Variants in EYS observed in about 807,000 individuals in gnomAD.
EYS encodes EGF-like photoreceptor maintenance factor.
EYS carries 250 observed loss-of-function variants against 282.1 expected under a neutral mutation model. That is an observed-to-expected ratio of 0.89 (90% confidence interval 0.80 to 0.98). EYS has a LOEUF of 0.98. Ranked by LOEUF, EYS falls within the 50% of genes least tolerant of loss-of-function variation. The pLI is 0.00. For missense variants in EYS, 4,016 were observed against 3,709.0 expected (o/e 1.08, Z -2.15); for synonymous variants, 1,355 against 1,282.9 (o/e 1.06, Z -1.20).
intron 11 of EYS, among the ~76,000 whole-genome samples, chr6:65,316,281 C>T (rs1482388197): frequency 6.6e-6 from 1 of 152,022 alleles, no homozygotes; most frequent in Non-Finnish European, 1.5e-5. Flanking sequence ...TATGAACAGT[C>T]ATTTTTGGTC....
chr6:65,674,088 T>G (rs950550299), intron 1 of EYS, among the ~76,000 whole-genome samples: 1 of 151,756 alleles, frequency 6.6e-6, no homozygotes, highest in African/African-American at 2.4e-5. Flanking sequence ...AACAGTGAAC[T>G]TTTGAAATGA....
chr6:63,962,007 G>A (rs1766088848), intron 35 of EYS, among the ~76,000 whole-genome samples: 1 of 152,106 alleles, frequency 6.6e-6, no homozygotes, highest in Non-Finnish European at 1.5e-5. Flanking sequence ...AAGAAATGGG[G>A]AAAGGATTCC....
At chr6:64,898,132 C>A (rs923957780) in intron 18 of EYS, among the ~76,000 whole-genome samples, 1 of 151,570 alleles carries the variant, frequency 6.6e-6, no homozygotes, top group Admixed American at 6.6e-5. Context: ...TCGAGAAAAG[C>A]AACCCCAAGG....
intron 31 of EYS, among the ~76,000 whole-genome samples, chr6:64,095,325 C>T (rs1218492013): frequency 1.3e-5 from 2 of 152,026 alleles, no homozygotes. Flanking sequence ...CTTTCTGTCT[C>T]GTTGATCTGT....
At position 63,775,081 on chromosome 6, in the gene EYS, A is replaced by G. The variant is rs150353263; in HGVS notation, c.7898+2925T>C. Among the ~76,000 whole-genome samples, 178 of 152,328 alleles carry G rather than the reference A, an allele frequency of 1.2e-3. 3 individuals carry two copies. Among genetic ancestry groups the G allele is most frequent in the Non-Finnish European group, 4.1e-4 (28 of 68,032 alleles). On this transcript the variant is annotated intron_variant, in intron 40 of 42. Transcript: ENST00000503581. ...TTGCATCAGAACTCATCCCAGGAGC[A>G]TAAAGGCCTGAAATGAACTCTGCCT... is the stretch of plus-strand genomic sequence containing the variant.
intron 2 of EYS, among the ~76,000 whole-genome samples, chr6:65,616,782 C>CG (rs1766213559): frequency 8.7e-6 from 1 of 115,482 alleles, no homozygotes; most frequent in South Asian, 2.9e-4. Context: ...GACACTCTGT[C>CG]TAAAAAAACA....
intron 13 of EYS, among the ~76,000 whole-genome samples, chr6:65,014,833 C>T (rs1771991334): frequency 6.6e-6 from 1 of 152,100 alleles, no homozygotes; most frequent in African/African-American, 2.4e-5. Flanking sequence ...TCTTATGTGG[C>T]CAATAAGAAT....
At chr6:65,295,164 A>G (rs1249491926) in intron 12 of EYS, among the ~76,000 whole-genome samples, 1 of 151,956 alleles carries the variant, frequency 6.6e-6, no homozygotes, top group East Asian at 1.9e-4. Flanking sequence ...ATTTTGTTTT[A>G]TAAGTGATAA....
chr6:64,806,845 C>T (rs1254802224), intron 22 of EYS, among the ~76,000 whole-genome samples: 2 of 151,902 alleles, frequency 1.3e-5, no homozygotes, highest in Non-Finnish European at 2.9e-5. Flanking sequence ...AACAGGGTTT[C>T]ACATATTAAA....
chr6:65,595,141 A>G (rs1177964532), intron 2 of EYS, among the ~76,000 whole-genome samples: 2 of 152,030 alleles, frequency 1.3e-5, no homozygotes, highest in African/African-American at 4.8e-5. Context: ...TTCAGCCATA[A>G]AAAAACGATG....
At chr6:63,874,636 T>A (rs540535451) in intron 35 of EYS, among the ~76,000 whole-genome samples, 1 of 152,346 alleles carries the variant, frequency 6.6e-6, no homozygotes, top group Admixed American at 6.5e-5. Flanking sequence ...GAGCATGGAA[T>A]GTTCTTCCAT....
At chr6:64,169,642 A>C (rs1237136960) in intron 31 of EYS, among the ~76,000 whole-genome samples, 1 of 152,092 alleles carries the variant, frequency 6.6e-6, no homozygotes, top group Non-Finnish European at 1.5e-5. Flanking sequence ...ATTACTTCTC[A>C]TGGCAAAAGC....
intron 30 of EYS, among the ~76,000 whole-genome samples, chr6:64,264,099 GA>G (rs1267350343): frequency 1.3e-5 from 1 of 77,816 alleles, no homozygotes; most frequent in East Asian, 2.6e-4. Flanking sequence ...TGAGCTAAAA[GA>G]AAAACAACAA....
intron 31 of EYS, among the ~76,000 whole-genome samples, chr6:64,123,773 A>T (rs890043421): frequency 2.2e-4 from 33 of 152,344 alleles, no homozygotes; most frequent in Admixed American, 1.6e-3. Context: ...TAAATACAAA[A>T]TTAAAATTGA....
chr6:64,640,253 T>C (rs1389916180), intron 22 of EYS, among the ~76,000 whole-genome samples: 1 of 143,380 alleles, frequency 7.0e-6, no homozygotes, highest in East Asian at 2.0e-4. Flanking sequence ...CATGCTGCTA[T>C]AAAGACACAT....
intron 12 of EYS, among the ~76,000 whole-genome samples, chr6:65,205,676 A>G (rs1766017371): frequency 1.3e-5 from 2 of 151,920 alleles, no homozygotes; most frequent in South Asian, 4.1e-4. Flanking sequence ...AAAAATCAAA[A>G]TCACATGAAG....
chr6:64,291,716 T>A (rs2150365959), intron 30 of EYS, among the ~76,000 whole-genome samples: 1 of 152,244 alleles, frequency 6.6e-6, no homozygotes, highest in African/African-American at 2.4e-5. Flanking sequence ...AGTGTCTTTG[T>A]CTCTATTTTC....
At chr6:64,457,130 T>C (rs925652847) in intron 26 of EYS, among the ~76,000 whole-genome samples, 1 of 151,988 alleles carries the variant, frequency 6.6e-6, no homozygotes, top group Non-Finnish European at 1.5e-5. Context: ...ATTAACTCCT[T>C]AGTTGTTTAG....
chr6:63,818,598 T>C (rs902832447), intron 36 of EYS, among the ~76,000 whole-genome samples: 4 of 152,198 alleles, frequency 2.6e-5, no homozygotes, highest in Non-Finnish European at 5.9e-5. Context: ...GGTAAGGTTT[T>C]TTAAGAAATG....
Sources: gnomAD v4.1 joint callset for allele counts (sites outside exome capture counted in the v4.1 genomes callset) on GRCh38, gnomAD v4.1.1 for gene constraint, MANE v1.5 for transcripts, NCBI Gene and HGNC (gene_info 2026-07-23, HGNC 2026-07-21) for gene names.